Variants in PPDPFL observed in about 807,000 individuals in gnomAD.
PPDPFL encodes pancreatic progenitor cell differentiation and proliferation factor like, also known as pancreatic progenitor cell differentiation and proliferation factor-like protein.
A neutral mutation model predicts 12.6 loss-of-function variants in PPDPFL; 12 were observed. The observed-to-expected ratio is 0.95, with a 90% CI of 0.61 to 1.54. The LOEUF (loss-of-function observed/expected upper bound fraction) is 1.54. PPDPFL is among the 40% of genes most tolerant of loss of function. The probability of loss-of-function intolerance (pLI) is 0.00; values close to 1 mark genes in which losing one functional copy is unlikely to be tolerated. For missense variants in PPDPFL, 114 were observed against 96.0 expected (o/e 1.19, Z -0.78); for synonymous variants, 24 against 32.7 (o/e 0.73, Z 0.91).
chr8:49,064,527 G>A (rs1187156405), intron 1 of PPDPFL, among the ~76,000 whole-genome samples: 1 of 152,108 alleles, frequency 6.6e-6, no homozygotes, highest in Non-Finnish European at 1.5e-5. Flanking sequence ...GCAAAGGCAG[G>A]ATGTGGGGCC....
At chr8:49,067,965 C>T (rs1808325579), upstream of PPDPFL, among the ~76,000 whole-genome samples, 1 of 152,058 alleles carries the variant, frequency 6.6e-6, no homozygotes, top group Non-Finnish European at 1.5e-5. Context: ...AATTTTAGTA[C>T]TTGGATATTT....
chr8:49,075,372 T>A lies in PPDPFL; in HGVS notation c.*199T>A. The A allele has an allele frequency of 9.1e-7, 1 of 1,104,822 alleles. No individual in the cohort carries two copies. The highest frequency in any genetic ancestry group is 1.4e-6 in the Non-Finnish European group (1 of 724,444). 68.4% of individuals were successfully genotyped at this position (1,104,822 alleles called of 1,614,324 possible). A position where few individuals can be genotyped will look rare whatever the true frequency, so the allele number is the denominator to read the frequency against. ...GACAGAAATGTGTCTGAGATCTCAT[T>A]TATGAGACAAGATCACAGCAGCCAC... On this transcript the variant is annotated 3_prime_UTR_variant, in exon 5 of 5. Transcript: ENST00000522267.
chr8:49,070,216 G>A (rs184706311), upstream of PPDPFL, among the ~76,000 whole-genome samples: 235 of 152,208 alleles, frequency 1.5e-3, 1 homozygote, highest in African/African-American at 5.3e-3. Flanking sequence ...CACATCGAGG[G>A]GCACAACAGA....
At chr8:49,054,752 T>C (rs910260918) in intron 1 of PPDPFL, among the ~76,000 whole-genome samples, 2 of 152,120 alleles carry the variant, frequency 1.3e-5, no homozygotes, top group Admixed American at 1.3e-4. Flanking sequence ...CTGTTCTTAA[T>C]GCACAAATTT....
At chr8:49,070,845 T>C (rs1808372578), upstream of PPDPFL, among the ~76,000 whole-genome samples, 1 of 152,300 alleles carries the variant, frequency 6.6e-6, no homozygotes, top group South Asian at 2.1e-4. Context: ...CCATATCATA[T>C]GGTTCTTTTA....
At chr8:49,071,083 T>G (rs1326027001), upstream of PPDPFL, among the ~76,000 whole-genome samples, 13 of 152,194 alleles carry the variant, frequency 8.5e-5, no homozygotes, top group Admixed American at 8.5e-4. Context: ...CTGTTTCAGT[T>G]TTTTAGATTC....
chr8:49,069,122 A>G (rs1282515723), upstream of PPDPFL, among the ~76,000 whole-genome samples: 1 of 152,244 alleles, frequency 6.6e-6, no homozygotes, highest in Non-Finnish European at 1.5e-5. Flanking sequence ...TAATGATAAA[A>G]GAAGACAAAG....
intron 1 of PPDPFL, among the ~76,000 whole-genome samples, chr8:49,058,492 T>C (rs1449650570): frequency 6.6e-6 from 1 of 152,216 alleles, no homozygotes; most frequent in Non-Finnish European, 1.5e-5. Flanking sequence ...CTGGAGATAT[T>C]TAATCAATCT....
intron 1 of PPDPFL, among the ~76,000 whole-genome samples, chr8:49,058,944 G>A (rs774937675): frequency 6.6e-6 from 1 of 152,152 alleles, no homozygotes; most frequent in Non-Finnish European, 1.5e-5. Flanking sequence ...CCTAATGGCA[G>A]GGATATATGC....
At chr8:49,067,939 G>A (rs1208372436), upstream of PPDPFL, among the ~76,000 whole-genome samples, 31 of 152,124 alleles carry the variant, frequency 2.0e-4, 1 homozygote, top group Admixed American at 2.0e-3. Context: ...GACTTGCTGA[G>A]CATGTGATTG....
chr8:49,074,863 C>T (rs931779554), intron 4 of PPDPFL: 31 of 1,391,742 alleles, frequency 2.2e-5, no homozygotes, highest in Non-Finnish European at 2.5e-5. Context: ...GGATTTTAGA[C>T]ATTTGAATGC....
At chr8:49,059,423 A>G (rs1808161375) in intron 1 of PPDPFL, among the ~76,000 whole-genome samples, 1 of 152,214 alleles carries the variant, frequency 6.6e-6, no homozygotes, top group South Asian at 2.1e-4. Context: ...ACATTCACCA[A>G]TAATTAGAAA....
intron 1 of PPDPFL, among the ~76,000 whole-genome samples, chr8:49,055,084 T>A (rs1808091965): frequency 6.6e-6 from 1 of 152,186 alleles, no homozygotes. Context: ...GCACATTTCT[T>A]TATACTTTCT....
chr8:49,059,070 G>T (rs950260036), intron 1 of PPDPFL, among the ~76,000 whole-genome samples: 1 of 152,196 alleles, frequency 6.6e-6, no homozygotes, highest in Non-Finnish European at 1.5e-5. Context: ...CCTGAGAACA[G>T]TGTCTGTGGC....
Position 49,074,134 on chromosome 8 carries a change from A to C in PPDPFL, c.131A>C (p.Gln44Pro), listed in dbSNP as rs1808445981. Residue 44 changes from glutamine (Q) to proline (P), a missense_variant and splice_region_variant, in exon 3 of 5, where the codon CAA (glutamine) becomes CCA (proline). Gln to Pro is a moderately conservative substitution (Grantham distance 76, BLOSUM62 -1). Coordinates refer to ENST00000522267, the MANE Select transcript of PPDPFL (RefSeq NM_001256597.2). Reference protein sequence around the residue: ...VNFIDDDKPQQGLPEVAESTW... With the variant: ...VNFIDDDKPQPGLPEVAESTW... ...TTCATAGATGACGACAAACCACAGC[A>C]AGGTACTTAGTTATTTCTTTCAGTG... 1 of 1,611,692 alleles carries C rather than the reference A, an allele frequency of 6.2e-7. No individual in the cohort carries two copies. The highest frequency in any genetic ancestry group is 8.5e-7 in the Non-Finnish European group (1 of 1,177,834).
At chr8:49,071,781 C>T (rs1239720263), upstream of PPDPFL, among the ~76,000 whole-genome samples, 1 of 152,176 alleles carries the variant, frequency 6.6e-6, no homozygotes, top group Non-Finnish European at 1.5e-5. Context: ...TCTTATTACC[C>T]ATGATTTCCA....
At position 49,072,780 on chromosome 8, in the gene PPDPFL, G is replaced by C; in HGVS notation, c.-44-7G>C. On this transcript the variant is annotated splice_polypyrimidine_tract_variant and splice_region_variant and intron_variant, in intron 1 of 4. Transcript: ENST00000522267. ...ATCAATGTCTCTTTTCTCTGTCGCT[G>C]TTTCAGATTAATGCTCACAGCTTCT... 2 of 1,441,064 alleles carry C rather than the reference G, an allele frequency of 1.4e-6. No homozygotes were observed. The highest frequency in any genetic ancestry group is 1.9e-6 in the Non-Finnish European group (2 of 1,055,132). The allele number at this position is 1,441,064 out of a possible 1,614,324, so 89.3% of individuals were successfully genotyped here. A position where few individuals can be genotyped will look rare whatever the true frequency, so the allele number is the denominator to read the frequency against.
intron 1 of PPDPFL, among the ~76,000 whole-genome samples, chr8:49,055,885 G>T (rs1808104711): frequency 6.6e-6 from 1 of 151,976 alleles, no homozygotes; most frequent in Non-Finnish European, 1.5e-5. Flanking sequence ...ATGGTATTTT[G>T]TCAGTTGTAT....
chr8:49,061,005 G>C (rs1808191506), intron 1 of PPDPFL, among the ~76,000 whole-genome samples: 1 of 152,028 alleles, frequency 6.6e-6, no homozygotes, highest in Non-Finnish European at 1.5e-5. Context: ...CCCAGCGAGA[G>C]GCAGAAACTC....
Sources: gnomAD v4.1 joint callset for allele counts (sites outside exome capture counted in the v4.1 genomes callset) on GRCh38, gnomAD v4.1.1 for gene constraint, MANE v1.5 for transcripts, NCBI Gene and HGNC (gene_info 2026-07-23, HGNC 2026-07-21) for gene names.